The following FBXW8 variants were observed in gnomAD, a reference collection of about 807,000 sequenced individuals.
FBXW8 encodes the protein F-box and WD repeat domain containing 8.
A neutral mutation model predicts 65.3 loss-of-function variants in FBXW8; 57 were observed. The ratio of observed to expected loss-of-function variants is 0.87; its 90% CI spans 0.71 to 1.09. The LOEUF (loss-of-function observed/expected upper bound fraction) is 1.09. Ranked by LOEUF, FBXW8 falls within the 50% of genes least tolerant of loss-of-function variation. FBXW8 has a pLI of 0.00. For missense variants in FBXW8, 777 were observed against 814.8 expected (o/e 0.95, Z 0.57); for synonymous variants, 308 against 330.2 (o/e 0.93, Z 0.73).
intron 2 of FBXW8, among the ~76,000 whole-genome samples, chr12:116,942,408 G>A (rs1882645878): frequency 7.2e-6 from 1 of 139,774 alleles, no homozygotes; most frequent in Non-Finnish European, 1.5e-5. Flanking sequence ...AGAGTCTTGC[G>A]CTGTTGCCCA....
At chr12:116,917,128 A>G (rs1593033209) in intron 1 of FBXW8, among the ~76,000 whole-genome samples, 1 of 152,294 alleles carries the variant, frequency 6.6e-6, no homozygotes, top group East Asian at 1.9e-4. Flanking sequence ...AAGTGCTTGG[A>G]TACAGAGAGA....
At chr12:116,934,955 C>CCTTT (rs150541038) in intron 2 of FBXW8, among the ~76,000 whole-genome samples, 2 of 152,170 alleles carry the variant, frequency 1.3e-5, no homozygotes, top group African/African-American at 4.8e-5. Context: ...CTTCCCCGAC[C>CCTTT]CTTTCACCCC....
At chr12:117,022,910 T>C (rs1332992417) in intron 8 of FBXW8, among the ~76,000 whole-genome samples, 1 of 152,202 alleles carries the variant, frequency 6.6e-6, no homozygotes, top group Non-Finnish European at 1.5e-5. Flanking sequence ...TTCTTGTTAA[T>C]AGGAAGGTTT....
chr12:116,997,735 C>T (rs1953409202), intron 7 of FBXW8, among the ~76,000 whole-genome samples: 1 of 152,188 alleles, frequency 6.6e-6, no homozygotes, highest in African/African-American at 2.4e-5. Flanking sequence ...GCTGCAGGAG[C>T]CCTGCTGAAA....
At chr12:116,944,491 C>G (rs1882802327) in intron 2 of FBXW8, among the ~76,000 whole-genome samples, 1 of 152,158 alleles carries the variant, frequency 6.6e-6, no homozygotes, top group South Asian at 2.1e-4. Flanking sequence ...TACCCGCTAC[C>G]ACTCTTCATT....
chr12:116,914,124 T>G (rs1029353606), intron 1 of FBXW8, among the ~76,000 whole-genome samples: 1 of 152,028 alleles, frequency 6.6e-6, no homozygotes, highest in East Asian at 1.9e-4. Context: ...TTTAAAAAAT[T>G]TAGCTAGGTG....
chr12:116,983,720 C>T lies in FBXW8; in HGVS notation c.836-1486C>T, dbSNP rs188903667. 5.9e-5 allele frequency among the ~76,000 whole-genome samples: 9 copies of T among 152,250 alleles called. No homozygotes were observed. In the East Asian group the frequency reaches 9.6e-4, roughly 16 times the overall value. The stretch of plus-strand genomic sequence containing the variant: ...GTTATAGGAAATAGGGCTAGATTTA[C>T]GGATGATCAATAGAAGGGGAATTAG... On this transcript the variant is annotated intron_variant, in intron 5 of 10. Coordinates refer to ENST00000652555, the MANE Select transcript of FBXW8 (RefSeq NM_153348.3).
chr12:116,962,522 G>C (rs1301692229), intron 4 of FBXW8, among the ~76,000 whole-genome samples: 1 of 152,208 alleles, frequency 6.6e-6, no homozygotes, highest in African/African-American at 2.4e-5. Context: ...CAGACTGCTG[G>C]TGTGGTGTGA....
intron 1 of FBXW8, among the ~76,000 whole-genome samples, chr12:116,922,967 C>A (rs1221657398): frequency 1.3e-5 from 2 of 151,988 alleles, no homozygotes; most frequent in African/African-American, 2.4e-5. Flanking sequence ...AATCCCAGCA[C>A]TCTGAGAGGC....
chr12:116,946,533 C>T (rs1417643718), intron 3 of FBXW8, among the ~76,000 whole-genome samples: 1 of 152,088 alleles, frequency 6.6e-6, no homozygotes, highest in African/African-American at 2.4e-5. Context: ...CTCTTCCTCC[C>T]CCAAGTCATG....
intron 7 of FBXW8, among the ~76,000 whole-genome samples, chr12:117,008,085 T>C (rs1029928823): frequency 1.3e-5 from 2 of 152,096 alleles, no homozygotes; most frequent in Non-Finnish European, 2.9e-5. Flanking sequence ...TCTCACTATA[T>C]CACTAAGAAA....
intron 2 of FBXW8, among the ~76,000 whole-genome samples, chr12:116,933,139 CAT>C (rs2137319202): frequency 1.3e-5 from 2 of 152,342 alleles, no homozygotes; most frequent in African/African-American, 4.8e-5. Context: ...TAACTTTACA[CAT>C]TGGCCTGCTC....
intron 8 of FBXW8, among the ~76,000 whole-genome samples, chr12:117,016,083 C>A (rs1386596813): frequency 6.6e-6 from 1 of 152,292 alleles, no homozygotes; most frequent in East Asian, 1.9e-4. Flanking sequence ...AATTAGTGGA[C>A]ATTTGGGTTG....
intron 5 of FBXW8, chr12:116,979,063 A>G (rs1270895952): frequency 1.3e-5 from 2 of 152,254 alleles, no homozygotes; most frequent in East Asian, 3.8e-4. Context: ...TAAAACAAAA[A>G]TGGTATCCAT....
intron 4 of FBXW8, chr12:116,951,261 G>T (rs1883264091): frequency 6.6e-6 from 1 of 152,208 alleles, no homozygotes; most frequent in African/African-American, 2.4e-5. Flanking sequence ...GGCTTAGCAT[G>T]AGAGACTTCA....
Position 117,030,601 on chromosome 12 carries a change from G to A in FBXW8, c.*2429G>A, listed in dbSNP as rs559919915. 3.9e-5 allele frequency: 6 copies of A among 152,274 alleles called. No homozygotes were observed. Among genetic ancestry groups the A allele is most frequent in the Non-Finnish European group, 5.9e-5 (4 of 68,034 alleles). The allele number at this position is 152,274 out of a possible 1,614,324, so 9.4% of individuals were successfully genotyped here. On this transcript the variant is annotated 3_prime_UTR_variant, in exon 11 of 11. Coordinates refer to ENST00000652555, the MANE Select transcript of FBXW8 (RefSeq NM_153348.3). ...CTAGTTTGCAGCAATTAAAGATAACGGAGTGTAAAGTCATTAGACCCAGAA... is the reference window on the plus strand; with the variant it reads ...CTAGTTTGCAGCAATTAAAGATAACAGAGTGTAAAGTCATTAGACCCAGAA...
chr12:116,918,285 T>C (rs1880605540), intron 1 of FBXW8, among the ~76,000 whole-genome samples: 1 of 152,222 alleles, frequency 6.6e-6, no homozygotes, highest in Non-Finnish European at 1.5e-5. Context: ...AGTGTGCTGC[T>C]TTCTTCAGTG....
At chr12:117,024,399 G>T in intron 9 of FBXW8, 79 bp downstream of exon 9, 9 of 1,527,876 alleles carry the variant, frequency 5.9e-6, no homozygotes, top group Non-Finnish European at 8.1e-6. Flanking sequence ...CACCAGGCAC[G>T]GTGCTAAATG....
At chr12:117,025,794 G>T (rs1482284230) in intron 9 of FBXW8, among the ~76,000 whole-genome samples, 2 of 151,860 alleles carry the variant, frequency 1.3e-5, no homozygotes, top group African/African-American at 4.9e-5. Context: ...GGAAAACCCT[G>T]GATCAGCCAT....
Sources: allele counts gnomAD v4.1 joint callset (sites outside exome capture counted in the v4.1 genomes callset), GRCh38; gene constraint gnomAD v4.1.1; transcripts MANE v1.5; gene names NCBI Gene and HGNC (gene_info 2026-07-23, HGNC 2026-07-21).